Variants in CDC42BPA observed in about 807,000 individuals in gnomAD.
The protein encoded by CDC42BPA is CDC42 binding protein kinase alpha, also known as serine/threonine-protein kinase MRCK alpha.
CDC42BPA carries 80 observed loss-of-function variants against 223.5 expected under a neutral mutation model. The observed-to-expected ratio is 0.36, with a 90% CI of 0.30 to 0.43. The LOEUF is 0.43. CDC42BPA is among the 20% of genes least tolerant of loss of function. The probability of loss-of-function intolerance (pLI) is 1.00; values close to 1 mark genes in which losing one functional copy is unlikely to be tolerated. For synonymous variants in CDC42BPA, 694 were observed against 718.6 expected (o/e 0.97, Z 0.55); for missense variants, 1,743 against 2,099.9 (o/e 0.83, Z 3.32).
At chr1:227,088,588 A>T (rs1312689305) in intron 16 of CDC42BPA, among the ~76,000 whole-genome samples, 1 of 152,256 alleles carries the variant, frequency 6.6e-6, no homozygotes, top group African/African-American at 2.4e-5. Context: ...ATATTTTAAA[A>T]ACAAAACAAG....
At chr1:227,198,645 C>T (rs1187692518) in intron 4 of CDC42BPA, among the ~76,000 whole-genome samples, 3 of 151,962 alleles carry the variant, frequency 2.0e-5, no homozygotes, top group Non-Finnish European at 4.4e-5. Flanking sequence ...ACCCCATGAG[C>T]ATTATAGAGT....
intron 24 of CDC42BPA, among the ~76,000 whole-genome samples, chr1:227,037,951 T>C (rs1670586873): frequency 6.6e-6 from 1 of 152,128 alleles, no homozygotes; most frequent in Admixed American, 6.5e-5. Context: ...TAAAATTAAG[T>C]AAGAACAAAT....
chr1:227,135,514 C>T (rs1170986910), intron 10 of CDC42BPA, among the ~76,000 whole-genome samples: 1 of 151,974 alleles, frequency 6.6e-6, no homozygotes, highest in Non-Finnish European at 1.5e-5. Flanking sequence ...TATCCAGCTC[C>T]CGATTCTGGG....
At chr1:227,260,011 C>T (rs1222148616) in intron 1 of CDC42BPA, among the ~76,000 whole-genome samples, 6 of 146,798 alleles carry the variant, frequency 4.1e-5, no homozygotes, top group African/African-American at 1.3e-4. Flanking sequence ...AGCCAAGTAC[C>T]ATACTAAGAA....
At chr1:227,167,953 C>T (rs1197913632) in intron 5 of CDC42BPA, among the ~76,000 whole-genome samples, 1 of 150,400 alleles carries the variant, frequency 6.6e-6, no homozygotes, top group African/African-American at 2.5e-5. Flanking sequence ...TAGACGGAGT[C>T]TCACTCTGTC....
At chr1:227,081,141 T>A in intron 16 of CDC42BPA, 124 bp from the exon 17 acceptor site, 1 of 850,446 alleles carries the variant, frequency 1.2e-6, no homozygotes, top group Non-Finnish European at 1.8e-6. Context: ...ATTATAATAA[T>A]CCCTTTTGCT....
chr1:227,261,162 C>CT (rs1327975040), intron 1 of CDC42BPA, among the ~76,000 whole-genome samples: 1 of 130,534 alleles, frequency 7.7e-6, no homozygotes, highest in African/African-American at 3.0e-5. Flanking sequence ...GTTGCCCAGG[C>CT]TGGAGTGCAG....
chr1:227,038,599 C>A (rs945596807), intron 24 of CDC42BPA, among the ~76,000 whole-genome samples: 1 of 152,182 alleles, frequency 6.6e-6, no homozygotes, highest in African/African-American at 2.4e-5. Context: ...GTTCAGCTTA[C>A]ACAATTCTGA....
At chr1:227,225,022 C>T (rs1676613051) in intron 2 of CDC42BPA, among the ~76,000 whole-genome samples, 1 of 151,994 alleles carries the variant, frequency 6.6e-6, no homozygotes, top group East Asian at 1.9e-4. Flanking sequence ...TCTAGCTTAA[C>T]AATAAGGAAA....
At chr1:227,144,040 T>C (rs1054728065) in intron 8 of CDC42BPA, among the ~76,000 whole-genome samples, 1 of 152,228 alleles carries the variant, frequency 6.6e-6, no homozygotes, top group Non-Finnish European at 1.5e-5. Flanking sequence ...TTTATCTGCC[T>C]TGAATACAGT....
chr1:227,184,509 G>A (rs1022708629), intron 5 of CDC42BPA, among the ~76,000 whole-genome samples: 3 of 151,846 alleles, frequency 2.0e-5, no homozygotes, highest in Admixed American at 6.6e-5. Context: ...TGCTAATGTC[G>A]TCCAATGATC....
At position 227,168,497 on chromosome 1, in the gene CDC42BPA, G is replaced by GTTTTTTTTTTTTGTTTT. The variant is rs1553374261; in HGVS notation, c.600-7862_600-7861insAAAACAAAAAAAAAAAA. 2.5e-5 allele frequency among the ~76,000 whole-genome samples: 2 copies of GTTTTTTTTTTTTGTTTT among 80,212 alleles called. 1 individual carries two copies. Among genetic ancestry groups the GTTTTTTTTTTTTGTTTT allele is most frequent in the African/African-American group, 9.9e-5 (2 of 20,208 alleles). The allele number at this position is 80,212 out of a possible 152,430, so 52.6% of individuals were successfully genotyped here. A position where few individuals can be genotyped will look rare whatever the true frequency, so the allele number is the denominator to read the frequency against. ...CTTTTTCATATTTATCTTCCCTGGTGTTTTTTTTTTTTTTTTGAGGCAGAG... is the reference window on the plus strand; with the variant it reads ...CTTTTTCATATTTATCTTCCCTGGTGTTTTTTTTTTTTGTTTTTTTTTTTTTTTTTTTTGAGGCAGAG... On this transcript the variant is annotated intron_variant, in intron 5 of 36. Coordinates refer to ENST00000366766, the MANE Select transcript of CDC42BPA (RefSeq NM_001394014.1).
intron 35 of CDC42BPA, among the ~76,000 whole-genome samples, chr1:227,001,664 T>C (rs894448701): frequency 1.3e-5 from 2 of 152,172 alleles, no homozygotes; most frequent in African/African-American, 2.4e-5. Context: ...CCCAGCACTT[T>C]GGGAGGCTGA....
chr1:227,123,264 T>C (rs1378470341), intron 11 of CDC42BPA, among the ~76,000 whole-genome samples: 1 of 152,164 alleles, frequency 6.6e-6, no homozygotes, highest in Admixed American at 6.5e-5. Context: ...ATTGCATCGC[T>C]GCACTCCAGC....
intron 10 of CDC42BPA, among the ~76,000 whole-genome samples, chr1:227,131,761 T>C (rs1028680178): frequency 1.3e-5 from 2 of 152,212 alleles, no homozygotes; most frequent in African/African-American, 2.4e-5. Context: ...TACCCTAAAA[T>C]TGGCACTGAA....
intron 15 of CDC42BPA, among the ~76,000 whole-genome samples, chr1:227,098,007 T>C (rs79655227): frequency 0.054 from 8,195 of 152,114 alleles, 250 homozygotes; most frequent in Non-Finnish European, 0.072. Flanking sequence ...GTTCTAAAGC[T>C]TTTTAACAAA....
At chr1:227,129,049 G>C in intron 11 of CDC42BPA, 60 bp downstream of exon 11, 1 of 1,170,966 alleles carries the variant, frequency 8.5e-7, no homozygotes, top group Non-Finnish European at 1.2e-6. Context: ...TTTTTTGTGT[G>C]AATAAACCAT....
intron 35 of CDC42BPA, among the ~76,000 whole-genome samples, chr1:226,998,366 G>A (rs542926866): frequency 6.6e-6 from 1 of 152,260 alleles, no homozygotes; most frequent in Non-Finnish European, 1.5e-5. Flanking sequence ...AACAAAGCTG[G>A]AGGCATGATA....
At chr1:227,171,079 A>G (rs898338443) in intron 5 of CDC42BPA, among the ~76,000 whole-genome samples, 8 of 152,218 alleles carry the variant, frequency 5.3e-5, no homozygotes, top group Middle Eastern at 3.2e-3. Flanking sequence ...GAGTGAAAGG[A>G]AAGTTCAGGT....
Sources: allele counts gnomAD v4.1 joint callset (sites outside exome capture counted in the v4.1 genomes callset), GRCh38; gene constraint gnomAD v4.1.1; transcripts MANE v1.5; gene names NCBI Gene and HGNC (gene_info 2026-07-23, HGNC 2026-07-21).